Variants in LYPLAL1 observed in about 807,000 individuals in gnomAD.
The protein encoded by LYPLAL1 is lysophospholipase like 1.
Under a neutral mutation model 19.7 loss-of-function variants are expected in LYPLAL1, and 23 were observed. The observed-to-expected ratio is 1.17, with a 90% CI of 0.84 to 1.65. The LOEUF (loss-of-function observed/expected upper bound fraction) is 1.65, where lower values mean the gene tolerates loss of function less well. LYPLAL1 is among the 40% of genes most tolerant of loss of function. The probability of loss-of-function intolerance (pLI) is 0.00; values close to 1 mark genes in which losing one functional copy is unlikely to be tolerated. For missense variants in LYPLAL1, 355 were observed against 279.4 expected, an observed-to-expected ratio of 1.27 and a Z score of -1.93; for synonymous variants, 119 against 96.3, an observed-to-expected ratio of 1.24 and a Z score of -1.38.
the LYPLAL1 span, among the ~76,000 whole-genome samples, chr1:219,290,926 G>A: frequency 6.6e-6 from 1 of 152,176 alleles, no homozygotes; most frequent in African/African-American, 2.4e-5. Flanking sequence ...GGTAAGCACA[G>A]TTTATGGTCA....
chr1:219,323,516 G>C, the LYPLAL1 span, among the ~76,000 whole-genome samples: 1 of 152,144 alleles, frequency 6.6e-6, no homozygotes. Flanking sequence ...AGAGCAGCCT[G>C]CCTGTCACAT....
chr1:219,215,822 C>T (rs1330325774), downstream of LYPLAL1, among the ~76,000 whole-genome samples: 2 of 152,168 alleles, frequency 1.3e-5, no homozygotes, highest in African/African-American at 2.4e-5. Flanking sequence ...CCAATGTCCA[C>T]TGCTTTTGAA....
chr1:219,232,207 A>T, the LYPLAL1 span, among the ~76,000 whole-genome samples: 34 of 152,324 alleles, frequency 2.2e-4, no homozygotes, highest in Middle Eastern at 3.4e-3. Flanking sequence ...TTTATCACAT[A>T]GATTTGAGAC....
At chr1:219,232,935 G>A in the LYPLAL1 span, among the ~76,000 whole-genome samples, 1 of 150,874 alleles carries the variant, frequency 6.6e-6, no homozygotes, top group African/African-American at 2.4e-5. Context: ...GTGAACTGTT[G>A]TGATGATGTA....
chr1:219,364,914 A>G, the LYPLAL1 span, among the ~76,000 whole-genome samples: 1 of 152,148 alleles, frequency 6.6e-6, no homozygotes, highest in Non-Finnish European at 1.5e-5. Flanking sequence ...GATAGGTCAG[A>G]AGATTAAAAA....
chr1:219,309,990 T>A, the LYPLAL1 span, among the ~76,000 whole-genome samples: 3 of 152,208 alleles, frequency 2.0e-5, no homozygotes, highest in Non-Finnish European at 4.4e-5. Flanking sequence ...ACTGGTTACA[T>A]TTCTTATTTA....
chr1:219,268,359 A>G, the LYPLAL1 span, among the ~76,000 whole-genome samples: 1 of 152,222 alleles, frequency 6.6e-6, no homozygotes, highest in African/African-American at 2.4e-5. Context: ...TTGCCTGGGT[A>G]AAATCATCAG....
the LYPLAL1 span, among the ~76,000 whole-genome samples, chr1:219,411,528 C>G: frequency 6.6e-6 from 1 of 152,090 alleles, no homozygotes; most frequent in Admixed American, 6.5e-5. Flanking sequence ...ACAGGCCACT[C>G]GGCTCTACCA....
chr1:219,233,865 A>G, the LYPLAL1 span, among the ~76,000 whole-genome samples: 1 of 152,206 alleles, frequency 6.6e-6, no homozygotes, highest in East Asian at 1.9e-4. Context: ...CAATAATAAT[A>G]AAGAAATGCT....
chr1:219,343,603 TC>T, the LYPLAL1 span, among the ~76,000 whole-genome samples: 1 of 152,200 alleles, frequency 6.6e-6, no homozygotes, highest in South Asian at 2.1e-4. Context: ...TCAATACTAT[TC>T]TAAATAGGGA....
At chr1:219,356,845 A>G in the LYPLAL1 span, among the ~76,000 whole-genome samples, 1 of 152,202 alleles carries the variant, frequency 6.6e-6, no homozygotes, top group East Asian at 1.9e-4. Flanking sequence ...GTTTTAATAA[A>G]CCTTTTAGTC....
At chr1:219,281,660 A>G in the LYPLAL1 span, among the ~76,000 whole-genome samples, 1 of 152,044 alleles carries the variant, frequency 6.6e-6, no homozygotes, top group African/African-American at 2.4e-5. Flanking sequence ...CCAAAAACCA[A>G]ACAGGGGAGA....
the LYPLAL1 span, among the ~76,000 whole-genome samples, chr1:219,326,309 T>G: frequency 6.7e-4 from 7 of 10,506 alleles, no homozygotes; most frequent in Admixed American, 2.7e-3. Context: ...GGGTGGGGGG[T>G]TGGGGGGTGG....
At chr1:219,192,942 T>G in intron 2 of LYPLAL1, 140 bp from the exon 3 acceptor site, 2 of 833,106 alleles carry the variant, frequency 2.4e-6, no homozygotes, top group Non-Finnish European at 3.5e-6. Context: ...TGAGAGTAGT[T>G]TTAATATGCA....
the LYPLAL1 span, chr1:219,225,595 C>G: frequency 6.6e-6 from 1 of 152,176 alleles, no homozygotes; most frequent in Admixed American, 6.5e-5. Context: ...TCCTCATAAT[C>G]AGTTTGGATG....
At chr1:219,304,137 C>G in the LYPLAL1 span, among the ~76,000 whole-genome samples, 1 of 152,134 alleles carries the variant, frequency 6.6e-6, no homozygotes, top group African/African-American at 2.4e-5. Flanking sequence ...TTATACCTCC[C>G]ATATGATATT....
intron 3 of LYPLAL1, chr1:219,193,573 T>A (rs1051803375): frequency 4.7e-5 from 8 of 171,284 alleles, no homozygotes; most frequent in Admixed American, 2.3e-4. Context: ...CCTTAACTCT[T>A]ATGAATATAA....
the LYPLAL1 span, among the ~76,000 whole-genome samples, chr1:219,360,409 T>C: frequency 6.6e-6 from 1 of 152,194 alleles, no homozygotes; most frequent in Admixed American, 6.5e-5. Flanking sequence ...TCAAAATCTT[T>C]ATTGAAATTC....
chr1:219,306,142 G>A, the LYPLAL1 span, among the ~76,000 whole-genome samples: 10 of 152,180 alleles, frequency 6.6e-5, no homozygotes, highest in African/African-American at 1.7e-4. Context: ...ATCTTCTTGA[G>A]TGTAGACTTT....
Sources: gnomAD v4.1 joint callset for allele counts (sites outside exome capture counted in the v4.1 genomes callset) on GRCh38, gnomAD v4.1.1 for gene constraint, MANE v1.5 for transcripts, NCBI Gene and HGNC (gene_info 2026-07-23, HGNC 2026-07-21) for gene names.